The following TRABD2B variants were observed in gnomAD, a reference collection of about 807,000 sequenced individuals.
The protein encoded by TRABD2B is metalloprotease TIKI2.
In TRABD2B, 14 loss-of-function variants were observed where a neutral mutation model predicts 40.1. The observed-to-expected ratio is 0.35, with a 90% confidence interval of 0.23 to 0.55. The LOEUF is 0.55. TRABD2B is among the 20% of genes least tolerant of loss of function. The probability of loss-of-function intolerance (pLI) is 0.90; values close to 1 mark genes in which losing one functional copy is unlikely to be tolerated. For synonymous variants in TRABD2B, 263 were observed against 277.0 expected, an observed-to-expected ratio of 0.95 and a Z score of 0.50; for missense variants, 541 against 648.6, an observed-to-expected ratio of 0.83 and a Z score of 1.80.
chr1:47,985,783 T>C (rs991836679), intron 2 of TRABD2B, among the ~76,000 whole-genome samples: 1 of 152,246 alleles, frequency 6.6e-6, no homozygotes, highest in African/African-American at 2.4e-5. Flanking sequence ...CCATCCAATC[T>C]GATGACCATG....
intron 2 of TRABD2B, among the ~76,000 whole-genome samples, chr1:47,929,466 C>T (rs1645011559): frequency 6.6e-6 from 1 of 152,216 alleles, no homozygotes; most frequent in Non-Finnish European, 1.5e-5. Flanking sequence ...TTCTTCCTTG[C>T]TCCCCATTTC....
intron 2 of TRABD2B, among the ~76,000 whole-genome samples, chr1:47,911,554 G>T (rs546310859): frequency 6.6e-6 from 1 of 152,356 alleles, no homozygotes; most frequent in South Asian, 2.1e-4. Context: ...AGTTCTGTAA[G>T]CGACACTCAC....
intron 2 of TRABD2B, among the ~76,000 whole-genome samples, chr1:47,955,839 A>T (rs1306320977): frequency 6.6e-6 from 1 of 152,176 alleles, no homozygotes; most frequent in Non-Finnish European, 1.5e-5. Flanking sequence ...TCCACTGCTC[A>T]GCAACCCCAG....
At chr1:47,916,462 G>A (rs1479709251) in intron 2 of TRABD2B, among the ~76,000 whole-genome samples, 1 of 152,224 alleles carries the variant, frequency 6.6e-6, no homozygotes, top group African/African-American at 2.4e-5. Flanking sequence ...GCAGAGGGCT[G>A]GGTGAGGCAT....
In TRABD2B at chr1:47,875,313, C is replaced by T. The variant is rs151314987; in HGVS notation, c.667-73694G>A. Among the ~76,000 whole-genome samples the T allele has an allele frequency of 1.3e-4, 19 of 151,002 alleles. No individual in the cohort carries two copies. In the East Asian group the frequency reaches 2.3e-3, roughly 18 times the overall value. The stretch of plus-strand genomic sequence containing the variant: ...CTGAGAGTGTTCTTTAGTATTCACG[C>T]ACAGCACGCGGCAACACTAGATATG... On this transcript the variant is annotated intron_variant, in intron 2 of 6. Coordinates refer to ENST00000606738, the MANE Select transcript of TRABD2B (RefSeq NM_001194986.2).
intron 3 of TRABD2B, among the ~76,000 whole-genome samples, chr1:47,796,570 C>T (rs1644750981): frequency 6.6e-6 from 1 of 152,202 alleles, no homozygotes; most frequent in Non-Finnish European, 1.5e-5. Flanking sequence ...TATCTGCTGG[C>T]CAAGGCCTAG....
chr1:47,987,299 C>T (rs999430827), intron 2 of TRABD2B, among the ~76,000 whole-genome samples: 4 of 152,096 alleles, frequency 2.6e-5, no homozygotes, highest in African/African-American at 9.7e-5. Flanking sequence ...TGTCCATGAG[C>T]TGACAATTCT....
chr1:47,787,200 G>C (rs1398808131), intron 4 of TRABD2B, among the ~76,000 whole-genome samples: 1 of 152,166 alleles, frequency 6.6e-6, no homozygotes, highest in Non-Finnish European at 1.5e-5. Context: ...ATCTGCATCA[G>C]GGAAATTTCA....
At chr1:47,908,249 A>G (rs1463496341) in intron 2 of TRABD2B, among the ~76,000 whole-genome samples, 1 of 152,256 alleles carries the variant, frequency 6.6e-6, no homozygotes, top group African/African-American at 2.4e-5. Context: ...GCAAAGGGAA[A>G]TGTCTAGAAG....
intron 2 of TRABD2B, among the ~76,000 whole-genome samples, chr1:47,889,972 A>G (rs1000576533): frequency 6.6e-6 from 1 of 152,174 alleles, no homozygotes; most frequent in Non-Finnish European, 1.5e-5. Flanking sequence ...CCCTTTGTTC[A>G]CTGAGCTTTT....
intron 2 of TRABD2B, among the ~76,000 whole-genome samples, chr1:47,948,700 C>T (rs1039884186): frequency 6.6e-6 from 1 of 152,186 alleles, no homozygotes; most frequent in African/African-American, 2.4e-5. Context: ...CCATAAGCTT[C>T]TAAGACCGTC....
At chr1:47,890,090 G>A (rs1644424285) in intron 2 of TRABD2B, among the ~76,000 whole-genome samples, 1 of 152,192 alleles carries the variant, frequency 6.6e-6, no homozygotes, top group African/African-American at 2.4e-5. Context: ...GACAGTCAAA[G>A]CAAGCATGGA....
Position 47,801,562 on chromosome 1 carries a change from G to C in TRABD2B, c.724C>G (p.Leu242Val). ...TCCTCCGTGGTGTAGGAGGCCTGCA[G>C]GCTCCCGGCCCGCACACTCTCCTGC... ...LQQESVRAGSLQASYTTEDLI... is the reference protein window; with the variant it reads ...LQQESVRAGSVQASYTTEDLI... The change falls in exon 3 of 7, where the codon CTG (leucine) becomes GTG (valine). Residue 242 changes from leucine (L) to valine (V), a missense_variant. Physicochemically the swap from Leu to Val is conservative, Grantham distance 32 (BLOSUM62 1). Transcript: ENST00000606738. The C allele has an allele frequency of 6.5e-7, 1 of 1,536,080 alleles. No homozygotes were observed. The highest frequency in any genetic ancestry group is 8.7e-7 in the Non-Finnish European group (1 of 1,146,876).
At chr1:47,892,517 C>T in intron 2 of TRABD2B, among the ~76,000 whole-genome samples, 1 of 152,148 alleles carries the variant, frequency 6.6e-6, no homozygotes, top group East Asian at 1.9e-4. Flanking sequence ...AAATGATGGT[C>T]TCCTCGGTAC....
At chr1:47,863,183 C>A (rs1643999030) in intron 2 of TRABD2B, among the ~76,000 whole-genome samples, 1 of 151,196 alleles carries the variant, frequency 6.6e-6, no homozygotes, top group Non-Finnish European at 1.5e-5. Flanking sequence ...GACACCAAAG[C>A]ATGATCCATG....
At chr1:47,802,616 G>A (rs1186788982) in intron 2 of TRABD2B, among the ~76,000 whole-genome samples, 1 of 152,134 alleles carries the variant, frequency 6.6e-6, no homozygotes, top group Non-Finnish European at 1.5e-5. Context: ...GGTCCCTGCT[G>A]TTAGCCCAGC....
At chr1:47,949,448 C>T (rs1160899476) in intron 2 of TRABD2B, among the ~76,000 whole-genome samples, 1 of 137,782 alleles carries the variant, frequency 7.3e-6, no homozygotes, top group African/African-American at 2.6e-5. Flanking sequence ...CACTCTGTCA[C>T]CCAGACTGGA....
chr1:47,797,979 C>T (rs1194941064), intron 3 of TRABD2B, among the ~76,000 whole-genome samples: 1 of 152,106 alleles, frequency 6.6e-6, no homozygotes, highest in Non-Finnish European at 1.5e-5. Context: ...TCTGCTGACA[C>T]CACCTATCTA....
At chr1:47,795,422 G>A (rs759631351) in intron 3 of TRABD2B, among the ~76,000 whole-genome samples, 2 of 152,148 alleles carry the variant, frequency 1.3e-5, no homozygotes, top group Non-Finnish European at 2.9e-5. Flanking sequence ...TCACTTCACC[G>A]CCGAGCCTGG....
Sources: allele counts gnomAD v4.1 joint callset (sites outside exome capture counted in the v4.1 genomes callset), GRCh38; gene constraint gnomAD v4.1.1; transcripts MANE v1.5; gene names NCBI Gene and HGNC (gene_info 2026-07-23, HGNC 2026-07-21).